FLI1: variants seen among roughly 807,000 people sequenced by gnomAD.
FLI1 encodes the protein Fli-1 proto-oncogene, ETS transcription factor.
In FLI1, 13 loss-of-function variants were observed where a neutral mutation model predicts 53.1. The ratio of observed to expected loss-of-function variants is 0.24; its 90% confidence interval spans 0.16 to 0.39. The LOEUF is 0.39. FLI1 is among the 10% of genes least tolerant of loss of function. The pLI is 1.00. For synonymous variants in FLI1, 244 were observed against 236.7 expected (o/e 1.03, Z -0.28); for missense variants, 424 against 600.5 (o/e 0.71, Z 3.07).
At chr11:128,736,681 T>A (rs1939929327) in intron 1 of FLI1, among the ~76,000 whole-genome samples, 1 of 152,240 alleles carries the variant, frequency 6.6e-6, no homozygotes. Flanking sequence ...CAGCAAATTC[T>A]GTATATATAA....
intron 1 of FLI1, among the ~76,000 whole-genome samples, chr11:128,695,717 A>T (rs1476722728): frequency 6.6e-6 from 1 of 152,238 alleles, no homozygotes; most frequent in Non-Finnish European, 1.5e-5. Context: ...CCTCAAACCC[A>T]AAGTGAGTAG....
intron 2 of FLI1, among the ~76,000 whole-genome samples, chr11:128,767,028 G>A (rs1323479047): frequency 2.0e-5 from 3 of 151,338 alleles, no homozygotes; most frequent in Non-Finnish European, 4.4e-5. Context: ...GGTGTGACAG[G>A]GTGGCACCTC....
intron 2 of FLI1, 36 bp downstream of exon 2, chr11:128,758,362 G>A (rs965141057): frequency 5.1e-6 from 8 of 1,567,792 alleles, no homozygotes; most frequent in Non-Finnish European, 7.0e-6. Flanking sequence ...TTGGGGGAAG[G>A]CACAAAGTCG....
At chr11:128,802,238 G>A (rs1244762557) in intron 5 of FLI1, among the ~76,000 whole-genome samples, 1 of 152,202 alleles carries the variant, frequency 6.6e-6, no homozygotes, top group Non-Finnish European at 1.5e-5. Context: ...CTTTGGAGCA[G>A]AAATTGCTCT....
At chr11:128,798,339 C>T (rs1196437236) in intron 5 of FLI1, among the ~76,000 whole-genome samples, 2 of 152,106 alleles carry the variant, frequency 1.3e-5, no homozygotes, top group Non-Finnish European at 2.9e-5. Context: ...ACATCTGTGT[C>T]ACTTAGACAC....
rs1169468559 is a variant in FLI1 at position 128,812,269 on chromosome 11, T to A, written c.*1281T>A. 1 of 219,636 alleles carries A rather than the reference T, an allele frequency of 4.6e-6. No individual in the cohort carries two copies. The highest frequency in any genetic ancestry group is 9.1e-6 in the Non-Finnish European group (1 of 109,308). 13.6% of individuals were successfully genotyped at this position (219,636 alleles called of 1,614,324 possible). On this transcript the variant is annotated 3_prime_UTR_variant, in exon 9 of 9. Coordinates refer to ENST00000527786, the MANE Select transcript of FLI1 (RefSeq NM_002017.5). The stretch of plus-strand genomic sequence containing the variant: ...GGAGAGGAGGGATTTTCCTGCTCTA[T>A]ATAAGCAACATATTTTTAGACATTA...
At chr11:128,725,501 G>A (rs1459342906) in intron 1 of FLI1, among the ~76,000 whole-genome samples, 2 of 152,190 alleles carry the variant, frequency 1.3e-5, no homozygotes, top group African/African-American at 4.8e-5. Flanking sequence ...CAATGCTCAA[G>A]TGCCCGCAAA....
chr11:128,686,632 C>T, exon 1 of FLI1: 1 of 371,194 alleles, frequency 2.7e-6, no homozygotes, highest in Non-Finnish European at 5.4e-6. Flanking sequence ...CAGGCTGGTT[C>T]TTGGGCGTTC....
At chr11:128,735,776 C>T (rs376073621) in intron 1 of FLI1, among the ~76,000 whole-genome samples, 5 of 152,196 alleles carry the variant, frequency 3.3e-5, no homozygotes, top group African/African-American at 1.2e-4. Context: ...CCTTTAGATG[C>T]CAAGTCTCTT....
intron 1 of FLI1, among the ~76,000 whole-genome samples, chr11:128,751,842 T>C (rs560128827): frequency 2.0e-5 from 3 of 151,678 alleles, no homozygotes; most frequent in African/African-American, 7.3e-5. Flanking sequence ...TTTTTTTTTT[T>C]TGTAGAGAAA....
rs538853340 is a variant in FLI1 at position 128,736,405 on chromosome 11, T to G, written c.19-21710T>G. On this transcript the variant is annotated intron_variant, in intron 1 of 8. Coordinates refer to ENST00000527786, the MANE Select transcript of FLI1 (RefSeq NM_002017.5). ...CTTCTGAAACCCTAGAGGCCACAGATAAGATACACTCTTGTAGCAGGCTTG... is the reference window on the plus strand; with the variant it reads ...CTTCTGAAACCCTAGAGGCCACAGAGAAGATACACTCTTGTAGCAGGCTTG... Among the ~76,000 whole-genome samples the G allele has an allele frequency of 2.6e-5, 4 of 152,362 alleles. No individual in the cohort carries two copies. In the South Asian group the frequency reaches 6.2e-4, roughly 24 times the overall value.
At chr11:128,729,759 C>G (rs1939619803) in intron 1 of FLI1, among the ~76,000 whole-genome samples, 1 of 152,208 alleles carries the variant, frequency 6.6e-6, no homozygotes, top group Non-Finnish European at 1.5e-5. Context: ...TCTTGAGAAC[C>G]AGGCTGGAAG....
chr11:128,777,688 G>A lies in FLI1; in HGVS notation c.590-4270G>A, dbSNP rs148649780. ...AGATCCCAGAGCCTTGCACCCTCCC[G>A]CTCCTGCACACTCAGCCAGAGCTGT... On this transcript the variant is annotated intron_variant, in intron 4 of 8. Transcript: ENST00000527786. 1.6e-3 allele frequency among the ~76,000 whole-genome samples: 244 copies of A among 152,330 alleles called. 3 individuals are homozygous for A. The highest frequency in any genetic ancestry group is 5.5e-3 in the African/African-American group (228 of 41,582).
intron 1 of FLI1, among the ~76,000 whole-genome samples, chr11:128,718,190 T>C (rs981046789): frequency 2.0e-5 from 3 of 152,244 alleles, no homozygotes; most frequent in Non-Finnish European, 4.4e-5. Flanking sequence ...TTGCAAACCC[T>C]ATCATGTCCG....
chr11:128,686,652 A>C (rs1565447155), exon 1 of FLI1: 1 of 360,908 alleles, frequency 2.8e-6, no homozygotes, highest in Admixed American at 3.7e-5. Flanking sequence ...CCCGACCCTT[A>C]GCTACCCACG....
At chr11:128,687,186 G>A (rs1937594955) in intron 1 of FLI1, among the ~76,000 whole-genome samples, 1 of 152,254 alleles carries the variant, frequency 6.6e-6, no homozygotes, top group African/African-American at 2.4e-5. Context: ...CACGCGCTCA[G>A]TCCTCGAGCC....
Position 128,810,379 on chromosome 11 carries a change from T to C in FLI1, c.830-80T>C. On this transcript the variant is annotated intron_variant, in intron 8 of 8. Coordinates refer to ENST00000527786, the MANE Select transcript of FLI1 (RefSeq NM_002017.5). This position sits in a 1 kb window ranked among gnomAD's most constrained non-coding sequence, Gnocchi z 6.6. The stretch of plus-strand genomic sequence containing the variant: ...AGGTTTCTTTAAAAGGATGAGAAGC[T>C]CCCTGCATTTAGGGAACTGGGTTCT... 7.3e-7 allele frequency: 1 copy of C among 1,362,520 alleles called. No homozygotes were observed. The highest frequency in any genetic ancestry group is 1.3e-5 in the South Asian group (1 of 74,426). The allele number at this position is 1,362,520 out of a possible 1,614,324, so 84.4% of individuals were successfully genotyped here. A position where few individuals can be genotyped will look rare whatever the true frequency, so the allele number is the denominator to read the frequency against.
chr11:128,795,563 T>TTTC (rs1364201070), intron 5 of FLI1, among the ~76,000 whole-genome samples: 1 of 150,258 alleles, frequency 6.7e-6, no homozygotes, highest in African/African-American at 2.5e-5. Context: ...AAAGCAATTT[T>TTTC]TTTTTTTTTT....
At chr11:128,745,011 G>C (rs1429084035) in intron 1 of FLI1, among the ~76,000 whole-genome samples, 1 of 152,164 alleles carries the variant, frequency 6.6e-6, no homozygotes, top group Non-Finnish European at 1.5e-5. Flanking sequence ...TCAACAGTTT[G>C]GTGAATGAAT....
Sources: gnomAD v4.1 joint callset for allele counts (sites outside exome capture counted in the v4.1 genomes callset) on GRCh38, gnomAD v4.1.1 for gene constraint, Gnocchi (gnomAD v3.1) non-coding constraint, MANE v1.5 for transcripts, NCBI Gene and HGNC (gene_info 2026-07-23, HGNC 2026-07-21) for gene names.